Variants in FAF1 observed in about 807,000 individuals in gnomAD.
FAF1 encodes FAS-associated factor 1.
A neutral mutation model predicts 92.5 loss-of-function variants in FAF1; 25 were observed. That is an observed-to-expected ratio of 0.27 (90% confidence interval 0.20 to 0.38). The LOEUF (loss-of-function observed/expected upper bound fraction) is 0.38, where lower values mean the gene tolerates loss of function less well. Ranked by LOEUF, FAF1 falls within the 10% of genes least tolerant of loss-of-function variation. FAF1 has a pLI of 1.00. For synonymous variants in FAF1, 234 were observed against 273.2 expected, an observed-to-expected ratio of 0.86 and a Z score of 1.42; for missense variants, 636 against 793.3, an observed-to-expected ratio of 0.80 and a Z score of 2.38.
At chr1:50,725,936 T>A (rs773966624) in intron 6 of FAF1, among the ~76,000 whole-genome samples, 1 of 152,120 alleles carries the variant, frequency 6.6e-6, no homozygotes, top group Non-Finnish European at 1.5e-5. Flanking sequence ...TAGAGCTCAA[T>A]AATACCCTCA....
intron 8 of FAF1, among the ~76,000 whole-genome samples, chr1:50,643,332 GT>G (rs948611478): frequency 1.5e-4 from 22 of 146,184 alleles, no homozygotes; most frequent in East Asian, 8.0e-4. Context: ...TTCCATTCTG[GT>G]TTTTTTTTTG....
chr1:50,715,052 G>C (rs975782708), intron 6 of FAF1: 3 of 411,800 alleles, frequency 7.3e-6, no homozygotes, highest in Non-Finnish European at 1.4e-5. Flanking sequence ...TATCAACAAG[G>C]ACACAATTTG....
intron 5 of FAF1, 50 bp from the exon 6 acceptor site, chr1:50,739,004 A>C (rs992243066): frequency 1.8e-6 from 2 of 1,132,890 alleles, no homozygotes; most frequent in Non-Finnish European, 1.3e-6. Flanking sequence ...TTGATTATTC[A>C]TTATTGATTT....
chr1:50,920,159 G>C (rs1222557886), intron 1 of FAF1, among the ~76,000 whole-genome samples: 1 of 151,928 alleles, frequency 6.6e-6, no homozygotes, highest in Non-Finnish European at 1.5e-5. Context: ...AAGTTAGCTG[G>C]GTGTGGTGGC....
At chr1:50,746,276 ATATATATATATATATATTTTTTTTT>A (rs1416825621) in intron 4 of FAF1, among the ~76,000 whole-genome samples, 126 of 20,348 alleles carry the variant, frequency 6.2e-3, no homozygotes, top group African/African-American at 0.031. Flanking sequence ...ATATATATAT[ATATATATATATATATATTTTTTTTT>A]TTTTTTTTTT....
chr1:50,590,534 T>C (rs554475503), intron 9 of FAF1, among the ~76,000 whole-genome samples: 1 of 152,350 alleles, frequency 6.6e-6, no homozygotes, highest in African/African-American at 2.4e-5. Flanking sequence ...GTTCCAATAG[T>C]TTTTTAAAAA....
intron 13 of FAF1, among the ~76,000 whole-genome samples, chr1:50,559,656 T>C (rs1649776679): frequency 6.6e-6 from 1 of 152,146 alleles, no homozygotes; most frequent in Non-Finnish European, 1.5e-5. Flanking sequence ...TGACATTCTG[T>C]TAAGACCGCC....
chr1:50,742,721 G>T (rs931616086), intron 5 of FAF1, among the ~76,000 whole-genome samples: 1 of 152,144 alleles, frequency 6.6e-6, no homozygotes, highest in Admixed American at 6.5e-5. Flanking sequence ...ATGAATGAAT[G>T]AATAAATAAC....
At chr1:50,806,818 C>A (rs1662224255) in intron 2 of FAF1, among the ~76,000 whole-genome samples, 1 of 152,168 alleles carries the variant, frequency 6.6e-6, no homozygotes, top group South Asian at 2.1e-4. Flanking sequence ...ACTGAACTCA[C>A]CTTATACTAC....
At chr1:50,468,515 A>T (rs1225401522) in intron 18 of FAF1, among the ~76,000 whole-genome samples, 1 of 149,742 alleles carries the variant, frequency 6.7e-6, no homozygotes, top group Non-Finnish European at 1.5e-5. Flanking sequence ...GCTGGAGTAC[A>T]GTGGTGCAAT....
chr1:50,646,435 A>G (rs909852116), intron 8 of FAF1, among the ~76,000 whole-genome samples: 5 of 152,232 alleles, frequency 3.3e-5, no homozygotes, highest in African/African-American at 1.2e-4. Flanking sequence ...TTAGTTGTTT[A>G]TTGCCATAGA....
chr1:50,649,229 T>C, intron 8 of FAF1, among the ~76,000 whole-genome samples: 1 of 151,918 alleles, frequency 6.6e-6, no homozygotes, highest in East Asian at 1.9e-4. Context: ...AATCTCTCAC[T>C]GCAACCTCCG....
intron 2 of FAF1, among the ~76,000 whole-genome samples, chr1:50,850,818 G>A (rs1025302662): frequency 4.6e-5 from 7 of 151,986 alleles, no homozygotes; most frequent in Non-Finnish European, 1.0e-4. Flanking sequence ...AGTATGAACA[G>A]GAATTTTAAC....
At chr1:50,602,664 G>A (rs893447579) in intron 8 of FAF1, among the ~76,000 whole-genome samples, 11 of 151,740 alleles carry the variant, frequency 7.2e-5, no homozygotes, top group Non-Finnish European at 7.4e-5. Context: ...CACCAAGTCC[G>A]GCTAATTTTT....
At chr1:50,741,030 T>G (rs886867014) in intron 5 of FAF1, among the ~76,000 whole-genome samples, 2 of 152,234 alleles carry the variant, frequency 1.3e-5, no homozygotes. Flanking sequence ...TTAAGTTATT[T>G]ACTCATGCAT....
intron 16 of FAF1, 89 bp from the exon 17 acceptor site, chr1:50,490,754 GGAAA>G: frequency 1.1e-6 from 1 of 871,250 alleles, no homozygotes; most frequent in Admixed American, 1.8e-5. Flanking sequence ...AAAGAAAAGA[GGAAA>G]GAAAGAGTAT....
intron 3 of FAF1, among the ~76,000 whole-genome samples, chr1:50,795,297 T>G (rs1309329283): frequency 1.2e-4 from 19 of 152,214 alleles, no homozygotes; most frequent in Non-Finnish European, 1.5e-5. Context: ...AAAAAGACAC[T>G]TTTCTAAATA....
chr1:50,800,796 T>C (rs1569969326), intron 3 of FAF1, among the ~76,000 whole-genome samples: 2 of 152,204 alleles, frequency 1.3e-5, no homozygotes, highest in East Asian at 1.9e-4. Flanking sequence ...ATCTGCTGTT[T>C]CTGTTCGCCT....
chr1:50,779,690 A>G (rs1661091659), intron 4 of FAF1, among the ~76,000 whole-genome samples: 1 of 152,006 alleles, frequency 6.6e-6, no homozygotes, highest in Admixed American at 6.6e-5. Flanking sequence ...GAAGTAAAAG[A>G]GTATTTGTAT....
Sources: gnomAD v4.1 joint callset for allele counts (sites outside exome capture counted in the v4.1 genomes callset) on GRCh38, gnomAD v4.1.1 for gene constraint, MANE v1.5 for transcripts, NCBI Gene and HGNC (gene_info 2026-07-23, HGNC 2026-07-21) for gene names.